Variants in CTH observed in about 807,000 individuals in gnomAD.
CTH encodes cystathionase (cystathionine gamma-lyase).
A neutral mutation model predicts 50.6 loss-of-function variants in CTH; 41 were observed. The observed-to-expected ratio is 0.81, with a 90% CI of 0.63 to 1.05. The LOEUF is 1.05. Among genes scored for constraint, CTH ranks in the 50% least tolerant of loss-of-function variants. The probability of loss-of-function intolerance (pLI) is 0.00; values close to 1 mark genes in which losing one functional copy is unlikely to be tolerated. For synonymous variants in CTH, 156 were observed against 168.9 expected (o/e 0.92, Z 0.59); for missense variants, 470 against 492.6 (o/e 0.95, Z 0.43).
At chr1:70,430,234 A>G (rs1684433973) in intron 6 of CTH, 83 bp from the exon 7 acceptor site, 1 of 809,242 alleles carries the variant, frequency 1.2e-6, no homozygotes, top group South Asian at 1.5e-5. Flanking sequence ...TGAAAATCAC[A>G]TTTTGAAAAT....
intron 10 of CTH, 68 bp downstream of exon 10, chr1:70,435,245 A>G: frequency 7.2e-7 from 1 of 1,383,282 alleles, no homozygotes. Context: ...GGAAAGAAAT[A>G]TGATAAGGTC....
At chr1:70,427,405 G>A (rs1684368170) in intron 5 of CTH, among the ~76,000 whole-genome samples, 2 of 152,156 alleles carry the variant, frequency 1.3e-5, no homozygotes, top group Admixed American at 1.3e-4. Context: ...TTTGTACACT[G>A]CTTCCCTGGG....
intron 3 of CTH, among the ~76,000 whole-genome samples, chr1:70,419,732 A>T (rs908002358): frequency 3.3e-5 from 5 of 152,218 alleles, no homozygotes; most frequent in Non-Finnish European, 7.3e-5. Flanking sequence ...ATTCCAAAGA[A>T]ATTAAATGTT....
At chr1:70,413,505 T>C (rs1233860398) in intron 1 of CTH, among the ~76,000 whole-genome samples, 27 of 151,430 alleles carry the variant, frequency 1.8e-4, no homozygotes, top group Non-Finnish European at 2.9e-4. Flanking sequence ...ACCTCGTGAT[T>C]CACCCGCCTT....
chr1:70,415,847 AC>A, intron 1 of CTH, 108 bp from the exon 2 acceptor site: 2 of 728,372 alleles, frequency 2.7e-6, no homozygotes, highest in Non-Finnish European at 5.1e-6. Flanking sequence ...ACATATCATG[AC>A]TAAAGAATAG....
At chr1:70,431,186 A>G (rs894407374) in intron 7 of CTH, 1 of 152,160 alleles carries the variant, frequency 6.6e-6, no homozygotes. Context: ...TCAAAAAACA[A>G]AAAACAAAAA....
intron 10 of CTH, among the ~76,000 whole-genome samples, chr1:70,437,553 T>C (rs1684624039): frequency 6.6e-6 from 1 of 152,126 alleles, no homozygotes; most frequent in Non-Finnish European, 1.5e-5. Context: ...ATAGGCAGTA[T>C]GTGGAAGGGC....
Position 70,439,359 on chromosome 1 carries a change from T to C in CTH, c.*232T>C. On this transcript the variant is annotated 3_prime_UTR_variant, in exon 12 of 12. Coordinates refer to ENST00000370938, the MANE Select transcript of CTH (RefSeq NM_001902.6). Reference sequence around the variant, plus strand: ...ATATCTTTTTGTTAATTTTGCTCTATGTTTGCCTCTGAAGGAGGTGAGATT... The same window carrying C: ...ATATCTTTTTGTTAATTTTGCTCTACGTTTGCCTCTGAAGGAGGTGAGATT... The C allele has an allele frequency of 1.8e-6, 1 of 542,836 alleles. No individual in the cohort carries two copies. Among genetic ancestry groups the C allele is most frequent in the Admixed American group, 3.3e-5 (1 of 30,434 alleles). 33.6% of individuals were successfully genotyped at this position (542,836 alleles called of 1,614,324 possible).
Position 70,432,181 on chromosome 1 carries a change from G to T in CTH, c.823G>T (p.Ala275Ser), listed in dbSNP as rs756778434. Residue 275 changes from alanine (A) to serine (S), a missense_variant, in exon 8 of 12, where the codon GCA (alanine) becomes TCA (serine). Physicochemically the swap from Ala to Ser is moderately conservative, Grantham distance 99. Transcript: ENST00000370938. The stretch of plus-strand genomic sequence containing the variant: ...GGAAAAGCATTTCAAAAACGGAATG[G>T]CAGTTGCCCAGTTCCTGGAATCTAA... The part of the protein sequence containing the change: ...RMEKHFKNGM[A>S]VAQFLESNPW... The T allele has an allele frequency of 1.1e-5, 17 of 1,614,090 alleles. No individual in the cohort carries two copies. Among genetic ancestry groups the T allele is most frequent in the Non-Finnish European group, 1.1e-5 (13 of 1,180,044 alleles).
intron 1 of CTH, among the ~76,000 whole-genome samples, chr1:70,415,040 G>A (rs540569281): frequency 1.3e-5 from 2 of 152,256 alleles, no homozygotes; most frequent in South Asian, 2.1e-4. Flanking sequence ...CACTTTTGTA[G>A]AGCCAAGATG....
At position 70,434,597 on chromosome 1, in the gene CTH, GT is replaced by G. The variant is rs958088555; in HGVS notation, c.1000-516del. Among the ~76,000 whole-genome samples, 575 of 144,474 alleles carry G rather than the reference GT, an allele frequency of 4.0e-3. 1 individual carries two copies. The highest frequency in any genetic ancestry group is 0.012 in the African/African-American group (467 of 39,710). The allele number at this position is 144,474 out of a possible 152,430, so 94.8% of individuals were successfully genotyped here. On this transcript the variant is annotated intron_variant, in intron 9 of 11. Coordinates refer to ENST00000370938, the MANE Select transcript of CTH (RefSeq NM_001902.6). Reference sequence around the variant, plus strand: ...TATCACACTCAACATAAAAACAGTGGTTTTTTTTTTTTCCCCTATTCCAGCA... The same window carrying G: ...TATCACACTCAACATAAAAACAGTGGTTTTTTTTTTTCCCCTATTCCAGCA...
At chr1:70,437,444 G>A (rs532452565) in intron 10 of CTH, among the ~76,000 whole-genome samples, 15 of 152,130 alleles carry the variant, frequency 9.9e-5, no homozygotes, top group Non-Finnish European at 1.8e-4. Context: ...AAACCACCTA[G>A]TAGAGTATCT....
chr1:70,429,985 CTTTGATTAAATGTAGGATT>C (rs1346590658), intron 6 of CTH, 134 bp downstream of exon 6: 24 of 689,742 alleles, frequency 3.5e-5, no homozygotes, highest in Admixed American at 2.1e-4. Context: ...AAAAAAAATC[CTTTGATTAAATGTAGGATT>C]TCATTAACAG....
At chr1:70,434,826 C>T (rs1384543390) in intron 9 of CTH, 1 of 260,286 alleles carries the variant, frequency 3.8e-6, no homozygotes, top group Non-Finnish European at 7.5e-6. Flanking sequence ...GATCTCGGCT[C>T]ACTGCAACCT....
Position 70,439,425 on chromosome 1 carries a change from G to T in CTH, c.*298G>T. On this transcript the variant is annotated 3_prime_UTR_variant, in exon 12 of 12. Transcript: ENST00000370938. ...GATTATGTTCTTTTTTCATGTCTAA[G>T]ATTTATTTTGATCATGTTTATAATA... The T allele has an allele frequency of 5.5e-6, 2 of 362,784 alleles. No homozygotes were observed. Among genetic ancestry groups the T allele is most frequent in the Non-Finnish European group, 1.0e-5 (2 of 199,150 alleles). The allele number at this position is 362,784 out of a possible 1,614,324, so 22.5% of individuals were successfully genotyped here. A position where few individuals can be genotyped will look rare whatever the true frequency, so the allele number is the denominator to read the frequency against.
intron 3 of CTH, among the ~76,000 whole-genome samples, chr1:70,420,117 C>T (rs966227524): frequency 3.3e-5 from 5 of 151,876 alleles, no homozygotes; most frequent in East Asian, 1.9e-4. Flanking sequence ...CTCAGCCTCC[C>T]GAGTAGCTGG....
At chr1:70,414,202 T>C (rs1011292091) in intron 1 of CTH, among the ~76,000 whole-genome samples, 1 of 150,652 alleles carries the variant, frequency 6.6e-6, no homozygotes, top group Non-Finnish European at 1.5e-5. Flanking sequence ...GGTAAGGATA[T>C]CCTGGAGCCC....
At chr1:70,429,697 A>G in intron 5 of CTH, 97 bp from the exon 6 acceptor site, 1 of 880,756 alleles carries the variant, frequency 1.1e-6, no homozygotes. Flanking sequence ...GTTAGTATTG[A>G]TTAGAATAAG....
rs146873974 is a variant in CTH at position 70,429,824 on chromosome 1, A to G, written c.619A>G (p.Met207Val). The G allele has an allele frequency of 1.9e-6, 3 of 1,613,152 alleles. No individual in the cohort carries two copies. Among genetic ancestry groups the G allele is most frequent in the African/African-American group, 2.7e-5 (2 of 74,926 alleles). Residue 207 changes from methionine (M) to valine (V), a missense_variant, in exon 6 of 12, where the codon ATG (methionine) becomes GTG (valine). By Grantham distance (21) the Met-to-Val change is conservative. Transcript: ENST00000370938. ...TTTGGCTCTGGGAGCTGATATTTCTATGTATTCTGCAACAAAATACATGAA... is the reference window on the plus strand; with the variant it reads ...TTTGGCTCTGGGAGCTGATATTTCTGTGTATTCTGCAACAAAATACATGAA... ...RPLALGADIS[M>V]YSATKYMNGH...
Sources: gnomAD v4.1 joint callset for allele counts (sites outside exome capture counted in the v4.1 genomes callset) on GRCh38, gnomAD v4.1.1 for gene constraint, MANE v1.5 for transcripts, NCBI Gene and HGNC (gene_info 2026-07-23, HGNC 2026-07-21) for gene names.